ZNF618: variants seen among roughly 807,000 people sequenced by gnomAD.
The protein encoded by ZNF618 is neural precursor cell expressed, developmentally down-regulated 10.
ZNF618 carries 34 observed loss-of-function variants against 103.0 expected under a neutral mutation model. That is an observed-to-expected ratio of 0.33 (90% CI 0.25 to 0.44). The LOEUF is 0.44. Among genes scored for constraint, ZNF618 ranks in the 20% least tolerant of loss-of-function variants. The pLI, the probability that ZNF618 is intolerant of heterozygous loss-of-function variation, is 1.00. For missense variants in ZNF618, 1,059 were observed against 1,295.4 expected, an observed-to-expected ratio of 0.82 and a Z score of 2.80; for synonymous variants, 551 against 542.2, an observed-to-expected ratio of 1.02 and a Z score of -0.23.
intron 1 of ZNF618, among the ~76,000 whole-genome samples, chr9:113,885,264 T>G (rs1358128711): frequency 6.6e-6 from 1 of 152,236 alleles, no homozygotes; most frequent in African/African-American, 2.4e-5. Flanking sequence ...GACAAGTTCT[T>G]TAGTCCTTCC....
chr9:113,878,681 C>T (rs1828195187), intron 1 of ZNF618, among the ~76,000 whole-genome samples: 1 of 152,144 alleles, frequency 6.6e-6, no homozygotes, highest in East Asian at 1.9e-4. Flanking sequence ...TTAGGACTTG[C>T]AGGGCGGGAT....
intron 1 of ZNF618, among the ~76,000 whole-genome samples, chr9:113,883,619 CAG>C (rs1309125575): frequency 6.6e-6 from 1 of 152,146 alleles, no homozygotes; most frequent in African/African-American, 2.4e-5. Flanking sequence ...TGGGAGAAAA[CAG>C]AACCTTCTGT....
intron 9 of ZNF618, among the ~76,000 whole-genome samples, chr9:114,010,886 C>T (rs759545161): frequency 2.0e-4 from 30 of 152,174 alleles, no homozygotes; most frequent in Non-Finnish European, 4.1e-4. Flanking sequence ...GCTTTGAAAT[C>T]AGACAGGCTT....
intron 1 of ZNF618, among the ~76,000 whole-genome samples, chr9:113,892,782 A>G (rs1199647951): frequency 2.6e-5 from 4 of 152,348 alleles, no homozygotes; most frequent in African/African-American, 7.2e-5. Flanking sequence ...AAGGAGGGAC[A>G]TAGGGATCAG....
intron 1 of ZNF618, among the ~76,000 whole-genome samples, chr9:113,897,421 T>A (rs530567616): frequency 6.6e-6 from 1 of 152,364 alleles, no homozygotes; most frequent in South Asian, 2.1e-4. Context: ...CCTGAATGCC[T>A]GTATCACTCT....
intron 6 of ZNF618, among the ~76,000 whole-genome samples, chr9:114,006,888 C>A (rs1375718731): frequency 3.3e-5 from 5 of 152,186 alleles, no homozygotes; most frequent in African/African-American, 1.2e-4. Flanking sequence ...ACCCTCAGCT[C>A]CTGGTCACCT....
In ZNF618 at chr9:113,988,310, T is replaced by A. The variant is rs1564260098; in HGVS notation, c.78-11T>A. ...GGAAGAAGGTATTGAACGGAGTTTC[T>A]TCTTTCCCAGGGAGCGCTTGAAGCG... On this transcript the variant is annotated splice_polypyrimidine_tract_variant and intron_variant, in intron 2 of 14. Transcript: ENST00000374126. The A allele has an allele frequency of 6.2e-7, 1 of 1,608,074 alleles. No homozygotes were observed.
intron 1 of ZNF618, among the ~76,000 whole-genome samples, chr9:113,897,614 A>G (rs1257975897): frequency 6.6e-6 from 1 of 152,074 alleles, no homozygotes; most frequent in African/African-American, 2.4e-5. Flanking sequence ...CTATATATCC[A>G]TATACCCCTA....
chr9:113,981,652 G>A (rs920991886), intron 2 of ZNF618, among the ~76,000 whole-genome samples: 1 of 152,232 alleles, frequency 6.6e-6, no homozygotes, highest in Admixed American at 6.5e-5. Flanking sequence ...CCTCTGACAT[G>A]CCTGAAATGG....
chr9:113,912,198 A>G (rs1405582656), intron 1 of ZNF618, among the ~76,000 whole-genome samples: 2 of 152,186 alleles, frequency 1.3e-5, no homozygotes, highest in Non-Finnish European at 2.9e-5. Context: ...TCCCAGCCAG[A>G]CCAGTGAGTG....
At chr9:114,029,419 G>A (rs1165364524) in intron 11 of ZNF618, among the ~76,000 whole-genome samples, 1 of 152,144 alleles carries the variant, frequency 6.6e-6, no homozygotes, top group Non-Finnish European at 1.5e-5. Flanking sequence ...GACAACGATT[G>A]GCTGCCTCCT....
chr9:113,955,544 A>G lies in ZNF618; in HGVS notation c.34-13573A>G, dbSNP rs190372673. Among the ~76,000 whole-genome samples the G allele has an allele frequency of 1.3e-3, 194 of 150,738 alleles. 2 individuals carry two copies. Among genetic ancestry groups the G allele is most frequent in the South Asian group, 2.7e-3 (13 of 4,756 alleles). Reference sequence around the variant, plus strand: ...ATGCAGTTGTTCTCCCCCTCCCCCTATTTTCCTGGGCTGTTGATCTTGTGA... The same window carrying G: ...ATGCAGTTGTTCTCCCCCTCCCCCTGTTTTCCTGGGCTGTTGATCTTGTGA... On this transcript the variant is annotated intron_variant, in intron 1 of 14. Transcript: ENST00000374126.
At chr9:113,967,926 T>A (rs1445218111) in intron 1 of ZNF618, among the ~76,000 whole-genome samples, 2 of 115,886 alleles carry the variant, frequency 1.7e-5, no homozygotes, top group East Asian at 5.1e-4. Context: ...GATCTCGCCT[T>A]TTTTCAGTGC....
At chr9:113,986,771 T>G (rs1839525379) in intron 2 of ZNF618, among the ~76,000 whole-genome samples, 1 of 152,180 alleles carries the variant, frequency 6.6e-6, no homozygotes. Context: ...CTCTGTCCTC[T>G]CCTCATTAGC....
At chr9:113,938,178 T>TG (rs1834200030) in intron 1 of ZNF618, among the ~76,000 whole-genome samples, 1 of 144,634 alleles carries the variant, frequency 6.9e-6, no homozygotes, top group Non-Finnish European at 1.5e-5. Flanking sequence ...TTTTTTTTTT[T>TG]TTTTTTTTTG....
intron 10 of ZNF618, among the ~76,000 whole-genome samples, chr9:114,024,762 G>A (rs751816522): frequency 3.6e-5 from 5 of 139,156 alleles, no homozygotes; most frequent in South Asian, 2.2e-4. Flanking sequence ...CTGTTTTTTT[G>A]CTAGGCTTTG....
At chr9:114,043,898 T>A (rs1845431269) in intron 13 of ZNF618, among the ~76,000 whole-genome samples, 1 of 152,206 alleles carries the variant, frequency 6.6e-6, no homozygotes, top group South Asian at 2.1e-4. Context: ...GATGGGATTG[T>A]TTATTTTGTT....
At chr9:114,017,861 G>A (rs918829153) in intron 10 of ZNF618, among the ~76,000 whole-genome samples, 7 of 152,158 alleles carry the variant, frequency 4.6e-5, no homozygotes, top group Non-Finnish European at 8.8e-5. Context: ...AGAGCCTGGA[G>A]GGTGGTGTAG....
chr9:114,041,394 G>A (rs1192343899), intron 13 of ZNF618, among the ~76,000 whole-genome samples: 1 of 152,168 alleles, frequency 6.6e-6, no homozygotes, highest in Non-Finnish European at 1.5e-5. Flanking sequence ...TAGACATGAA[G>A]TCCTTGCCCA....
Sources: allele counts gnomAD v4.1 joint callset (sites outside exome capture counted in the v4.1 genomes callset), GRCh38; gene constraint gnomAD v4.1.1; transcripts MANE v1.5; gene names NCBI Gene and HGNC (gene_info 2026-07-23, HGNC 2026-07-21).